Variants in MED15 observed in about 807,000 individuals in gnomAD.
The protein encoded by MED15 is mediator of RNA polymerase II transcription subunit 15.
A neutral mutation model predicts 118.7 loss-of-function variants in MED15; 41 were observed. The ratio of observed to expected loss-of-function variants is 0.35; its 90% CI spans 0.27 to 0.45. MED15 has a LOEUF of 0.45. Ranked by LOEUF, MED15 falls within the 20% of genes least tolerant of loss-of-function variation. The probability of loss-of-function intolerance (pLI) is 1.00; values close to 1 mark genes in which losing one functional copy is unlikely to be tolerated. For synonymous variants in MED15, 436 were observed against 413.9 expected (o/e 1.05, Z -0.65); for missense variants, 740 against 1,025.5 (o/e 0.72, Z 3.80).
Position 20,582,628 on chromosome 22 carries a change from C to A in MED15, c.1290C>A (p.Leu430=). The part of the protein sequence containing the change: ...QPMAQVSQSS[L]PMLSSPSPGQ... Reference sequence around the variant, plus strand: ...ACTTCCAGGTCAGCCAGAGCAGCCTCCCCATGCTGTCCTCGCCGTCACCGG... The same window carrying A: ...ACTTCCAGGTCAGCCAGAGCAGCCTACCCATGCTGTCCTCGCCGTCACCGG... The change falls in exon 10 of 18, where the codon CTC becomes CTA. Residue 430 remains leucine, a synonymous_variant. Coordinates refer to ENST00000263205, the MANE Select transcript of MED15 (RefSeq NM_001003891.3). 1 of 1,566,822 alleles carries A rather than the reference C, an allele frequency of 6.4e-7. No homozygotes were observed. Among genetic ancestry groups the A allele is most frequent in the Non-Finnish European group, 8.6e-7 (1 of 1,162,628 alleles).
chr22:20,552,964 A>C, intron 3 of MED15, 181 bp from the exon 4 acceptor site: 2 of 588,096 alleles, frequency 3.4e-6, no homozygotes, highest in Non-Finnish European at 3.0e-6. Context: ...CTCTGCCCCC[A>C]GGTCTCTTGT....
chr22:20,564,877 TC>T (rs1175811162), intron 6 of MED15, among the ~76,000 whole-genome samples, 189 bp downstream of exon 6: 1 of 152,194 alleles, frequency 6.6e-6, no homozygotes, highest in Non-Finnish European at 1.5e-5. Flanking sequence ...ATGCCTGTAA[TC>T]CCAGCACTTT....
chr22:20,569,607 A>C (rs1256516765), intron 8 of MED15, among the ~76,000 whole-genome samples: 1 of 151,714 alleles, frequency 6.6e-6, no homozygotes, highest in Non-Finnish European at 1.5e-5. Flanking sequence ...GGTGCCTGCT[A>C]CCTCTTTTAA....
chr22:20,563,662 G>C (rs184523946), intron 5 of MED15, among the ~76,000 whole-genome samples: 94 of 152,332 alleles, frequency 6.2e-4, no homozygotes, highest in African/African-American at 2.1e-3. Flanking sequence ...AGCACACATC[G>C]TGGTTGTGAT....
intron 5 of MED15, among the ~76,000 whole-genome samples, chr22:20,557,420 C>T (rs917167734): frequency 3.3e-5 from 5 of 152,140 alleles, no homozygotes; most frequent in Non-Finnish European, 1.5e-5. Flanking sequence ...GTTTCCTCAT[C>T]CTAGAACAAT....
At chr22:20,583,082 G>A (rs748958244) in intron 11 of MED15, 31 bp from the exon 12 acceptor site, 15 of 1,563,606 alleles carry the variant, frequency 9.6e-6, no homozygotes, top group Non-Finnish European at 1.3e-5. Flanking sequence ...GAGGGTCGAG[G>A]GCTGTGGCCT....
chr22:20,582,445 G>C (rs1287357753), intron 9 of MED15, 166 bp from the exon 10 acceptor site: 5 of 1,132,730 alleles, frequency 4.4e-6, no homozygotes, highest in Admixed American at 4.4e-5. Context: ...TGTGTGCCAG[G>C]CTGGGGGAGT....
chr22:20,560,983 C>T (rs1204449054), intron 5 of MED15, among the ~76,000 whole-genome samples: 3 of 151,954 alleles, frequency 2.0e-5, no homozygotes, highest in Non-Finnish European at 4.4e-5. Flanking sequence ...TCGGTTCTGT[C>T]GGGTACATAT....
chr22:20,585,713 C>T lies in MED15; in HGVS notation c.2132-15C>T, dbSNP rs2057115654. 1 of 1,611,260 alleles carries T rather than the reference C, an allele frequency of 6.2e-7. No homozygotes were observed. Among genetic ancestry groups the T allele is most frequent in the Non-Finnish European group, 8.5e-7 (1 of 1,178,620 alleles). ...GGGCTTGTCCAGGTCACAGATAGAGCCTTCTGTGTTGCAGATGACAAGGAC... is the reference window on the plus strand; with the variant it reads ...GGGCTTGTCCAGGTCACAGATAGAGTCTTCTGTGTTGCAGATGACAAGGAC... On this transcript the variant is annotated splice_polypyrimidine_tract_variant and intron_variant, in intron 16 of 17. Transcript: ENST00000263205.
intron 2 of MED15, among the ~76,000 whole-genome samples, chr22:20,544,023 T>C (rs1307784900): frequency 6.6e-6 from 1 of 152,242 alleles, no homozygotes; most frequent in African/African-American, 2.4e-5. Flanking sequence ...ACATGTTCCT[T>C]GTTTCCTTTG....
Position 20,507,640 on chromosome 22 carries a change from G to C in MED15, c.-39G>C, listed in dbSNP as rs773835721. On this transcript the variant is annotated 5_prime_UTR_variant, in exon 1 of 18. Transcript: ENST00000263205. ...TGTGACTGAGGCGGCGGCGGTGGCG[G>C]CCAAGCGGGATACGGGCGGCGGGAG... 1.9e-6 allele frequency: 3 copies of C among 1,612,952 alleles called. No homozygotes were observed. The Admixed American group carries it at 5.0e-5, about 27-fold the overall frequency.
At chr22:20,520,998 C>T (rs777278316) in intron 1 of MED15, among the ~76,000 whole-genome samples, 4 of 151,626 alleles carry the variant, frequency 2.6e-5, no homozygotes, top group Non-Finnish European at 5.9e-5. Flanking sequence ...CTTCAGCCTC[C>T]CAGAGTGCTG....
In MED15 at chr22:20,515,754, C is replaced by A. The variant is rs370103028; in HGVS notation, c.68+8008C>A. ...TGAGCCAAGGTCGCGCCACTGCACT[C>A]CAGCCTGGCGACAGAGTGAGACTCA... is the stretch of plus-strand genomic sequence containing the variant. On this transcript the variant is annotated intron_variant, in intron 1 of 17. Coordinates refer to ENST00000263205, the MANE Select transcript of MED15 (RefSeq NM_001003891.3). Among the ~76,000 whole-genome samples the A allele has an allele frequency of 5.9e-4, 89 of 151,820 alleles. 3 individuals carry two copies. The highest frequency in any genetic ancestry group is 2.1e-3 in the African/African-American group (88 of 41,424).
At chr22:20,549,191 C>T (rs548104051) in intron 2 of MED15, among the ~76,000 whole-genome samples, 7 of 152,170 alleles carry the variant, frequency 4.6e-5, no homozygotes, top group South Asian at 2.1e-4. Flanking sequence ...GAAATCAAGG[C>T]GATAATGCAT....
At chr22:20,585,971 T>C in intron 17 of MED15, 145 bp downstream of exon 17, 1 of 727,326 alleles carries the variant, frequency 1.4e-6, no homozygotes, top group Non-Finnish European at 2.3e-6. Context: ...TTCTGGCTCC[T>C]CCTGCACAGA....
intron 7 of MED15, 117 bp from the exon 8 acceptor site, chr22:20,568,404 T>G: frequency 1.1e-5 from 16 of 1,443,668 alleles, no homozygotes; most frequent in Non-Finnish European, 1.5e-5. Context: ...CATGAGGTCA[T>G]GAAAGTCCCA....
chr22:20,585,542 A>G, intron 16 of MED15, 186 bp from the exon 17 acceptor site: 1 of 681,806 alleles, frequency 1.5e-6, no homozygotes, highest in Non-Finnish European at 2.5e-6. Flanking sequence ...ACCTCTGGGC[A>G]CCCATCAATG....
At chr22:20,560,261 CTAT>C (rs141805630) in intron 5 of MED15, among the ~76,000 whole-genome samples, 12 of 151,308 alleles carry the variant, frequency 7.9e-5, no homozygotes, top group South Asian at 2.1e-4. Flanking sequence ...CATTTCTTTT[CTAT>C]TATTATTATT....
intron 1 of MED15, among the ~76,000 whole-genome samples, chr22:20,509,168 A>T (rs1385392993): frequency 1.3e-5 from 2 of 152,090 alleles, no homozygotes; most frequent in Non-Finnish European, 2.9e-5. Flanking sequence ...AAGAGAGCCC[A>T]GGAGATGATG....
Sources: gnomAD v4.1 joint callset for allele counts (sites outside exome capture counted in the v4.1 genomes callset) on GRCh38, gnomAD v4.1.1 for gene constraint, MANE v1.5 for transcripts, NCBI Gene and HGNC (gene_info 2026-07-23, HGNC 2026-07-21) for gene names.